Variants in HSD17B2 observed in about 807,000 individuals in gnomAD.
HSD17B2 encodes the protein 17-beta-hydroxysteroid dehydrogenase type 2.
In HSD17B2, 32 loss-of-function variants were observed where a neutral mutation model predicts 26.9. The ratio of observed to expected loss-of-function variants is 1.19; its 90% CI spans 0.90 to 1.60. The LOEUF is 1.60. Ranked by LOEUF, HSD17B2 falls within the 40% of genes most tolerant of loss-of-function variation. The pLI, the probability that HSD17B2 is intolerant of heterozygous loss-of-function variation, is 0.00. For missense variants in HSD17B2, 613 were observed against 468.6 expected (o/e 1.31, Z -2.85); for synonymous variants, 246 against 186.7 (o/e 1.32, Z -2.59).
intron 1 of HSD17B2, among the ~76,000 whole-genome samples, chr16:82,067,969 T>G (rs1223708738): frequency 6.6e-6 from 1 of 152,224 alleles, no homozygotes; most frequent in East Asian, 1.9e-4. Context: ...ATTATGCCCC[T>G]TTCTTTATAT....
chr16:82,093,582 G>A (rs1841918105), intron 4 of HSD17B2: 2 of 152,186 alleles, frequency 1.3e-5, no homozygotes, highest in Non-Finnish European at 1.5e-5. Context: ...TGGTTTTTGT[G>A]TGCTTGAATT....
chr16:82,094,417 T>C (rs975356588), intron 4 of HSD17B2: 5 of 152,270 alleles, frequency 3.3e-5, no homozygotes, highest in African/African-American at 7.2e-5. Flanking sequence ...ATTGACATTA[T>C]TCTCCAGGTG....
In HSD17B2 at chr16:82,035,307, C is replaced by A. The variant is rs753628413; in HGVS notation, c.-118C>A. On this transcript the variant is annotated 5_prime_UTR_variant, in exon 1 of 5. It adds an upstream start codon to the 5' untranslated region. Coordinates refer to ENST00000199936, the MANE Select transcript of HSD17B2 (RefSeq NM_002153.3). ...TATGCTCAGTTGAAAGGGGCTGGGGCTGCTTTCTCCCCTCCCTTCTTGACT... is the reference window on the plus strand; with the variant it reads ...TATGCTCAGTTGAAAGGGGCTGGGGATGCTTTCTCCCCTCCCTTCTTGACT... 42 of 885,050 alleles carry A rather than the reference C, an allele frequency of 4.7e-5. 1 individual carries two copies. The highest frequency in any genetic ancestry group is 6.4e-5 in the Non-Finnish European group (37 of 574,352). The allele number at this position is 885,050 out of a possible 1,614,324, so 54.8% of individuals were successfully genotyped here.
rs750807476 is a variant in HSD17B2 at position 82,068,264 on chromosome 16, A to T, written c.360A>T (p.Gly120=). The T allele has an allele frequency of 1.5e-5, 25 of 1,613,260 alleles. No homozygotes were observed. Among genetic ancestry groups the T allele is most frequent in the Non-Finnish European group, 2.1e-5 (25 of 1,179,964 alleles). Residue 120 remains glycine, a synonymous_variant, in exon 2 of 5, where the codon GGA becomes GGT. Coordinates refer to ENST00000199936, the MANE Select transcript of HSD17B2 (RefSeq NM_002153.3). ...FAGVLNENGP[G]AEELRRTCSP... ...GAGTTTTGAATGAAAATGGCCCAGG[A>T]GCTGAGGAATTGCGAAGAACCTGCT...
At chr16:82,094,895 G>C (rs1281636173) in intron 4 of HSD17B2, 1 of 152,250 alleles carries the variant, frequency 6.6e-6, no homozygotes, top group Non-Finnish European at 1.5e-5. Flanking sequence ...TGGAGGCTCA[G>C]AGAAGTTAAG....
chr16:82,085,593 ACT>A (rs1414642177), intron 3 of HSD17B2, among the ~76,000 whole-genome samples: 1 of 151,678 alleles, frequency 6.6e-6, no homozygotes, highest in Non-Finnish European at 1.5e-5. Context: ...AAAAACCCTA[ACT>A]CTGTTCTGTT....
intron 4 of HSD17B2, chr16:82,093,289 T>C (rs1904744957): frequency 6.6e-6 from 1 of 152,258 alleles, no homozygotes; most frequent in Admixed American, 6.5e-5. Flanking sequence ...TTGCTTTTCT[T>C]TGTAGAGTCA....
At position 82,058,986 on chromosome 16, in the gene HSD17B2, C is replaced by T. The variant is rs543729193; in HGVS notation, c.266-9184C>T. On this transcript the variant is annotated intron_variant, in intron 1 of 4. Transcript: ENST00000199936. ...TCATTCGGTAAATATTTACTACAGG[C>T]GCTCAGTGGGTGTGGGGTCTGGAAC... Among the ~76,000 whole-genome samples, 43 of 152,170 alleles carry T rather than the reference C, an allele frequency of 2.8e-4. No individual in the cohort carries two copies. The South Asian group carries it at 3.7e-3, about 13-fold the overall frequency.
intron 3 of HSD17B2, among the ~76,000 whole-genome samples, chr16:82,084,121 T>C (rs1488325388): frequency 1.3e-5 from 2 of 152,178 alleles, no homozygotes; most frequent in Admixed American, 6.5e-5. Flanking sequence ...CTTCGGTTAC[T>C]AGCTGGGTGA....
intron 1 of HSD17B2, among the ~76,000 whole-genome samples, chr16:82,040,497 C>G (rs1455633093): frequency 1.3e-5 from 2 of 152,244 alleles, no homozygotes; most frequent in African/African-American, 4.8e-5. Flanking sequence ...TCAGATCCAT[C>G]TCTCACCAAA....
intron 1 of HSD17B2, among the ~76,000 whole-genome samples, chr16:82,047,240 C>T (rs8191074): frequency 3.4e-4 from 52 of 152,228 alleles, no homozygotes; most frequent in African/African-American, 1.1e-3. Context: ...CCAGTCATGC[C>T]CGGGGTTTGT....
chr16:82,060,808 G>A (rs1460708072), intron 1 of HSD17B2, among the ~76,000 whole-genome samples: 1 of 152,166 alleles, frequency 6.6e-6, no homozygotes, highest in Non-Finnish European at 1.5e-5. Context: ...TTAGGGGCAA[G>A]GACGCATAAA....
At chr16:82,062,275 T>C (rs1453506213) in intron 1 of HSD17B2, among the ~76,000 whole-genome samples, 2 of 152,220 alleles carry the variant, frequency 1.3e-5, no homozygotes, top group Non-Finnish European at 1.5e-5. Context: ...CCCAAGTTGA[T>C]GGGTTTCCAG....
At chr16:82,069,921 G>A (rs767954550) in intron 2 of HSD17B2, among the ~76,000 whole-genome samples, 5 of 152,098 alleles carry the variant, frequency 3.3e-5, no homozygotes, top group African/African-American at 9.7e-5. Flanking sequence ...AATTAAATCA[G>A]TCTCTAGGAC....
chr16:82,060,586 T>G (rs1914407064), intron 1 of HSD17B2, among the ~76,000 whole-genome samples: 1 of 152,246 alleles, frequency 6.6e-6, no homozygotes, highest in South Asian at 2.1e-4. Flanking sequence ...AAATTCATTG[T>G]GTGGGACAAA....
intron 3 of HSD17B2, chr16:82,090,302 G>GT (rs35272646): frequency 0.1 from 4,166 of 40,020 alleles, 1,390 homozygotes; most frequent in African/African-American, 0.11. Flanking sequence ...AAACTACATT[G>GT]TTTTTTTTTT....
chr16:82,068,376 G>C lies in HSD17B2; in HGVS notation c.472G>C (p.Asp158His). 1 of 1,609,344 alleles carries C rather than the reference G, an allele frequency of 6.2e-7. No individual in the cohort carries two copies. The highest frequency in any genetic ancestry group is 1.1e-5 in the South Asian group (1 of 90,472). The change falls in exon 2 of 5, where the codon GAC becomes CAC. Residue 158 changes from aspartate (D) to histidine (H), a missense_variant. Transcript: ENST00000199936. ...CAGCAAGGTTGCAGCAATGCTGCAG[G>C]ACAGAGGTACTGCCGCCAGCACCCT... is the stretch of plus-strand genomic sequence containing the variant. ...AYSKVAAMLQ[D>H]RGLWAVINNA...
intron 4 of HSD17B2, chr16:82,093,522 T>A (rs1270780058): frequency 6.6e-6 from 1 of 152,244 alleles, no homozygotes; most frequent in East Asian, 1.9e-4. Flanking sequence ...TCCCTTCTAG[T>A]TTGAACAAGT....
intron 3 of HSD17B2, among the ~76,000 whole-genome samples, chr16:82,081,383 G>A (rs1209313045): frequency 6.6e-6 from 1 of 151,514 alleles, no homozygotes; most frequent in African/African-American, 2.4e-5. Context: ...TCTCTCCCTG[G>A]GCCTTTCATT....
Sources: allele counts gnomAD v4.1 joint callset (sites outside exome capture counted in the v4.1 genomes callset), GRCh38; gene constraint gnomAD v4.1.1; transcripts MANE v1.5; gene names NCBI Gene and HGNC (gene_info 2026-07-23, HGNC 2026-07-21).